The following RPRD2 variants were observed in gnomAD, a reference collection of about 807,000 sequenced individuals.
RPRD2 encodes the protein regulation of nuclear pre-mRNA domain-containing protein 2.
Under a neutral mutation model 104.4 loss-of-function variants are expected in RPRD2, and 12 were observed. The ratio of observed to expected loss-of-function variants is 0.11; its 90% CI spans 0.07 to 0.19. RPRD2 has a LOEUF of 0.19. RPRD2 is among the 10% of genes least tolerant of loss of function. RPRD2 has a pLI of 1.00. For missense variants in RPRD2, 1,543 were observed against 1,790.1 expected (o/e 0.86, Z 2.49); for synonymous variants, 714 against 684.9 (o/e 1.04, Z -0.66).
At chr1:150,424,035 A>C (rs1461109973) in intron 2 of RPRD2, among the ~76,000 whole-genome samples, 8 of 151,586 alleles carry the variant, frequency 5.3e-5, no homozygotes, top group Non-Finnish European at 1.2e-4. Context: ...CAGGTGATCC[A>C]CCCGCCTCGG....
chr1:150,413,117 AC>A (rs1664065736), intron 1 of RPRD2, among the ~76,000 whole-genome samples: 1 of 152,160 alleles, frequency 6.6e-6, no homozygotes, highest in East Asian at 1.9e-4. Context: ...CGGTGATGAA[AC>A]CCAGAAAACA....
chr1:150,434,978 G>GA (rs1665899743), intron 2 of RPRD2, among the ~76,000 whole-genome samples: 1 of 152,132 alleles, frequency 6.6e-6, no homozygotes, highest in Non-Finnish European at 1.5e-5. Flanking sequence ...GTTGTTTTTA[G>GA]AAACTGAAGG....
intron 1 of RPRD2, among the ~76,000 whole-genome samples, chr1:150,384,794 A>G (rs782484499): frequency 1.3e-4 from 20 of 152,150 alleles, no homozygotes; most frequent in Non-Finnish European, 2.8e-4. Flanking sequence ...GGCGTGAGCC[A>G]CTGCACCCAG....
chr1:150,400,521 A>T (rs1421315923), intron 1 of RPRD2, among the ~76,000 whole-genome samples: 1 of 152,144 alleles, frequency 6.6e-6, no homozygotes, highest in African/African-American at 2.4e-5. Flanking sequence ...TGGCATGCGC[A>T]GTTAACAATA....
At chr1:150,406,144 C>T (rs1553886477) in intron 1 of RPRD2, among the ~76,000 whole-genome samples, 1 of 152,106 alleles carries the variant, frequency 6.6e-6, no homozygotes, top group East Asian at 1.9e-4. Flanking sequence ...CCTCATACTG[C>T]AAAAGTTATG....
intron 10 of RPRD2, among the ~76,000 whole-genome samples, chr1:150,470,229 GC>G (rs1203478049): frequency 6.6e-6 from 1 of 151,998 alleles, no homozygotes; most frequent in Middle Eastern, 3.2e-3. Flanking sequence ...GAATAACTTT[GC>G]CTCCTTTCTT....
chr1:150,426,627 A>G (rs1665141589), intron 2 of RPRD2, among the ~76,000 whole-genome samples: 1 of 152,154 alleles, frequency 6.6e-6, no homozygotes, highest in Non-Finnish European at 1.5e-5. Context: ...AACTAATTAA[A>G]TTTAAAACAA....
intron 1 of RPRD2, among the ~76,000 whole-genome samples, chr1:150,371,558 A>G (rs587698034): frequency 5.1e-4 from 77 of 152,244 alleles, no homozygotes; most frequent in African/African-American, 1.8e-3. Context: ...TTTGGTAGAG[A>G]TGGGGTTTCA....
At position 150,460,120 on chromosome 1, in the gene RPRD2, A is replaced by C. The variant is rs782274144; in HGVS notation, c.1214A>C (p.Lys405Thr). The C allele has an allele frequency of 2.5e-6, 4 of 1,613,978 alleles. 1 individual carries two copies. The South Asian group carries it at 4.4e-5, about 18-fold the overall frequency. Residue 405 changes from lysine (K) to threonine (T), a missense_variant, in exon 9 of 11, where the codon AAG becomes ACG. Physicochemically the swap from Lys to Thr is moderately conservative, Grantham distance 78. Coordinates refer to ENST00000369068, the MANE Select transcript of RPRD2 (RefSeq NM_015203.5). The stretch of plus-strand genomic sequence containing the variant: ...GCTGTATCCACTTCTGTACCTACAA[A>C]GCCAACAGAAAATATCTCAAAGGCC... ...KSAVSTSVPT[K>T]PTENISKASS...
intron 1 of RPRD2, among the ~76,000 whole-genome samples, chr1:150,392,984 TTAAACA>T (rs1288708268): frequency 6.6e-6 from 1 of 151,974 alleles, no homozygotes; most frequent in African/African-American, 2.4e-5. Context: ...TCAATCACAG[TTAAACA>T]TAAAAGAATA....
At chr1:150,455,629 T>TAAAAA (rs59418711) in intron 7 of RPRD2, among the ~76,000 whole-genome samples, 123 of 141,236 alleles carry the variant, frequency 8.7e-4, no homozygotes, top group Non-Finnish European at 1.4e-3. Flanking sequence ...GGACATTAGG[T>TAAAAA]AAAAAAAAAA....
Position 150,473,190 on chromosome 1 carries a change from A to G in RPRD2, c.4242A>G (p.Leu1414=). The G allele has an allele frequency of 6.2e-7, 1 of 1,613,926 alleles. No homozygotes were observed. Among genetic ancestry groups the G allele is most frequent in the Middle Eastern group, 1.7e-4 (1 of 6,060 alleles). The change falls in exon 11 of 11, where the codon TTA becomes TTG. Residue 1414 remains leucine, a synonymous_variant. Transcript: ENST00000369068. ...CCATCAGCCGGAGTGGTATAATCTT[A>G]CGGAGTCCCCGGCCAGACTTTCGGC... is the stretch of plus-strand genomic sequence containing the variant. The part of the protein sequence containing the change: ...RDTISRSGII[L]RSPRPDFRPR...
intron 1 of RPRD2, among the ~76,000 whole-genome samples, chr1:150,416,715 CA>C (rs782136958): frequency 5.9e-4 from 90 of 151,268 alleles, no homozygotes; most frequent in Non-Finnish European, 1.1e-3. Flanking sequence ...ACCAAAAATA[CA>C]AAAAAATTAG....
At chr1:150,379,615 T>C (rs587705674) in intron 1 of RPRD2, among the ~76,000 whole-genome samples, 10 of 152,248 alleles carry the variant, frequency 6.6e-5, no homozygotes, top group Admixed American at 3.9e-4. Flanking sequence ...TTGGTCAGGC[T>C]GGTCTCGAAC....
chr1:150,388,256 G>A (rs1316775316), intron 1 of RPRD2, among the ~76,000 whole-genome samples: 2 of 151,754 alleles, frequency 1.3e-5, no homozygotes, highest in Admixed American at 1.3e-4. Flanking sequence ...CTTTGCAGTA[G>A]TTTTGGATTT....
chr1:150,440,333 G>A (rs1042038353), intron 2 of RPRD2, among the ~76,000 whole-genome samples: 10 of 152,128 alleles, frequency 6.6e-5, no homozygotes, highest in African/African-American at 2.4e-4. Context: ...CTCCCAAAGC[G>A]CTGGGATTAC....
rs975814675 is a variant in RPRD2, at chr1:150,472,712, C to T, written c.3764C>T (p.Pro1255Leu). 10 of 1,613,686 alleles carry T rather than the reference C, an allele frequency of 6.2e-6. No homozygotes were observed. Among genetic ancestry groups the T allele is most frequent in the Non-Finnish European group, 7.6e-6 (9 of 1,179,710 alleles). ...TKEAALAHAA[P>L]PPPPGEHSGI... Reference sequence around the variant, plus strand: ...GAGGCAGCCCTGGCCCATGCTGCCCCACCCCCTCCTCCTGGAGAGCACAGT... The same window carrying T: ...GAGGCAGCCCTGGCCCATGCTGCCCTACCCCCTCCTCCTGGAGAGCACAGT... Residue 1255 changes from proline to leucine, a missense_variant, in exon 11 of 11, where the codon CCA (proline) becomes CTA (leucine). By Grantham distance (98) the Pro-to-Leu change is moderately conservative. This residue lies in a region of RPRD2 where 880 missense variants were observed against 885.6 expected (regional missense o/e 0.99). Transcript: ENST00000369068.
chr1:150,382,247 C>G (rs1184600395), intron 1 of RPRD2, among the ~76,000 whole-genome samples: 1 of 152,008 alleles, frequency 6.6e-6, no homozygotes, highest in Non-Finnish European at 1.5e-5. Context: ...TAGCAAATAG[C>G]AAAAGAACAT....
intron 1 of RPRD2, among the ~76,000 whole-genome samples, chr1:150,413,403 C>A (rs1046553469): frequency 6.6e-6 from 1 of 151,996 alleles, no homozygotes; most frequent in Admixed American, 6.6e-5. Context: ...GAGTTTGAGA[C>A]CAGGCTGGCC....
Sources: allele counts gnomAD v4.1 joint callset (sites outside exome capture counted in the v4.1 genomes callset), GRCh38; gene constraint gnomAD v4.1.1; regional missense constraint gnomAD v4.1.1; transcripts MANE v1.5; gene names NCBI Gene and HGNC (gene_info 2026-07-23, HGNC 2026-07-21).